Variants in IFT43 observed in about 807,000 individuals in gnomAD.
IFT43 encodes intraflagellar transport protein 43 homolog.
In IFT43, 33 loss-of-function variants were observed where a neutral mutation model predicts 32.3. That is an observed-to-expected ratio of 1.02 (90% confidence interval 0.77 to 1.37). The LOEUF (loss-of-function observed/expected upper bound fraction) is 1.37, where lower values mean the gene tolerates loss of function less well. IFT43 is among the 40% of genes most tolerant of loss of function. IFT43 has a pLI of 0.00. For missense variants in IFT43, 274 were observed against 265.9 expected (o/e 1.03, Z -0.21); for synonymous variants, 93 against 98.2 (o/e 0.95, Z 0.31).
In IFT43 at chr14:75,999,276, T is replaced by TTC. The variant is rs1566699747; in HGVS notation, c.147+10299_147+10300insTC. ...ATATATATATATATATATATATGTA[T>TTC]ATATATTTTTTTTTTTTTTTTTTTA... On this transcript the variant is annotated intron_variant, in intron 2 of 8. Transcript: ENST00000314067. 4.5e-4 allele frequency among the ~76,000 whole-genome samples: 11 copies of TTC among 24,502 alleles called. 1 individual carries two copies. The highest frequency in any genetic ancestry group is 1.6e-3 in the African/African-American group (11 of 6,988). 16.1% of individuals were successfully genotyped at this position (24,502 alleles called of 152,430 possible). A position where few individuals can be genotyped will look rare whatever the true frequency, so the allele number is the denominator to read the frequency against.
chr14:75,991,014 T>A (rs1354884082), intron 2 of IFT43, among the ~76,000 whole-genome samples: 1 of 152,204 alleles, frequency 6.6e-6, no homozygotes, highest in Non-Finnish European at 1.5e-5. Flanking sequence ...TCGTGATCAC[T>A]GGCACCCAGG....
At chr14:76,080,456 C>T (rs1324846290) in intron 5 of IFT43, among the ~76,000 whole-genome samples, 5 of 152,170 alleles carry the variant, frequency 3.3e-5, no homozygotes, top group East Asian at 1.9e-4. Flanking sequence ...AGCCCCAAGA[C>T]GCTGGGCAGA....
At chr14:75,992,966 T>A (rs1170133218) in intron 2 of IFT43, among the ~76,000 whole-genome samples, 1 of 152,254 alleles carries the variant, frequency 6.6e-6, no homozygotes, top group African/African-American at 2.4e-5. Flanking sequence ...GCTTCTGTGA[T>A]ACTGAGTTAA....
chr14:76,070,136 C>G (rs559177955), intron 5 of IFT43, among the ~76,000 whole-genome samples: 1 of 152,298 alleles, frequency 6.6e-6, no homozygotes, highest in East Asian at 1.9e-4. Context: ...GTAAAAGTGA[C>G]TGAACACAGC....
At chr14:76,020,035 C>T (rs532029642) in intron 2 of IFT43, among the ~76,000 whole-genome samples, 7 of 151,998 alleles carry the variant, frequency 4.6e-5, no homozygotes, top group South Asian at 2.1e-4. Context: ...AGTATAGTGG[C>T]GCAATCTCAG....
At chr14:76,077,540 A>G (rs995588199) in intron 5 of IFT43, among the ~76,000 whole-genome samples, 1 of 152,184 alleles carries the variant, frequency 6.6e-6, no homozygotes, top group Non-Finnish European at 1.5e-5. Flanking sequence ...TTCACCATCC[A>G]GGGGGCAGAC....
intron 3 of IFT43, among the ~76,000 whole-genome samples, chr14:76,036,057 A>G (rs2036592065): frequency 6.6e-6 from 1 of 152,244 alleles, no homozygotes; most frequent in African/African-American, 2.4e-5. Context: ...GCTTGACGAT[A>G]TATAAATAAT....
chr14:76,058,359 A>G (rs549890404), intron 3 of IFT43: 34 of 386,110 alleles, frequency 8.8e-5, no homozygotes, highest in South Asian at 7.6e-4. Context: ...AGGGCACTGA[A>G]TCATCTGTAT....
intron 3 of IFT43, 21 bp from the exon 4 acceptor site, chr14:76,058,616 CCTTGT>C (rs2037070314): frequency 6.9e-6 from 11 of 1,601,060 alleles, no homozygotes; most frequent in Non-Finnish European, 9.4e-6. Flanking sequence ...CTCTCAAAAA[CCTTGT>C]CTTTTCTTTT....
intron 4 of IFT43, 90 bp downstream of exon 4, chr14:76,058,764 G>A (rs566661607): frequency 6.2e-7 from 1 of 1,603,520 alleles, no homozygotes; most frequent in African/African-American, 1.3e-5. Context: ...TTCCACCTAT[G>A]TTGAACACTG....
intron 3 of IFT43, among the ~76,000 whole-genome samples, chr14:76,044,241 T>C (rs968515743): frequency 6.6e-6 from 1 of 152,114 alleles, no homozygotes; most frequent in Non-Finnish European, 1.5e-5. Flanking sequence ...AGTTTCACTA[T>C]GTTGACCAGG....
chr14:76,022,040 C>T (rs1009492814), intron 2 of IFT43, among the ~76,000 whole-genome samples: 10 of 152,164 alleles, frequency 6.6e-5, no homozygotes, highest in African/African-American at 2.4e-4. Flanking sequence ...CACTTGAGGT[C>T]AGGAGTTTGA....
chr14:76,058,800 T>C (rs975811757), intron 4 of IFT43, 126 bp downstream of exon 4: 16 of 1,584,930 alleles, frequency 1.0e-5, no homozygotes, highest in Middle Eastern at 1.7e-4. Flanking sequence ...GCTAGAATTA[T>C]TGATGCCTGC....
At chr14:76,013,984 G>T in intron 2 of IFT43, 3 of 237,200 alleles carry the variant, frequency 1.3e-5, no homozygotes, top group South Asian at 1.9e-4. Flanking sequence ...AACCAAAACT[G>T]ACCAAGTAAT....
In IFT43 at chr14:76,033,481, A is replaced by G. The variant is rs184891786; in HGVS notation, c.215+11087A>G. The stretch of plus-strand genomic sequence containing the variant: ...AAGTTATTGAGGAGGGTTGAGGGGA[A>G]TGGGGACTTTAGAGAATTTCCTTTT... On this transcript the variant is annotated intron_variant, in intron 3 of 8. Transcript: ENST00000314067. Among the ~76,000 whole-genome samples, 6 of 152,250 alleles carry G rather than the reference A, an allele frequency of 3.9e-5. No homozygotes were observed. In the East Asian group the frequency reaches 1.2e-3, roughly 29 times the overall value.
At chr14:76,041,382 C>T (rs2140008628) in intron 3 of IFT43, among the ~76,000 whole-genome samples, 1 of 152,244 alleles carries the variant, frequency 6.6e-6, no homozygotes, top group Admixed American at 6.5e-5. Context: ...TGGAATATTC[C>T]TTTGTTTTTC....
At chr14:76,022,505 T>C (rs943592917) in intron 3 of IFT43, 111 bp downstream of exon 3, 4 of 677,838 alleles carry the variant, frequency 5.9e-6, no homozygotes, top group Admixed American at 2.4e-5. Flanking sequence ...AAAATTTATA[T>C]ACCATACAAT....
chr14:76,019,406 A>G (rs959161618), intron 2 of IFT43, among the ~76,000 whole-genome samples: 1 of 151,404 alleles, frequency 6.6e-6, no homozygotes, highest in Non-Finnish European at 1.5e-5. Context: ...CAGCACTTTG[A>G]ATATATCATC....
At chr14:76,035,992 T>C (rs959297010) in intron 3 of IFT43, among the ~76,000 whole-genome samples, 3 of 152,222 alleles carry the variant, frequency 2.0e-5, no homozygotes, top group Admixed American at 6.5e-5. Flanking sequence ...CAAGAAGATA[T>C]ACCTATGGAT....
Sources: allele counts gnomAD v4.1 joint callset (sites outside exome capture counted in the v4.1 genomes callset), GRCh38; gene constraint gnomAD v4.1.1; transcripts MANE v1.5; gene names NCBI Gene and HGNC (gene_info 2026-07-23, HGNC 2026-07-21).